AFF4: variants seen among roughly 807,000 people sequenced by gnomAD.
The protein encoded by AFF4 is ALF transcription elongation factor 4, also known as AF4/FMR2 family member 4.
In AFF4, 13 loss-of-function variants were observed where a neutral mutation model predicts 124.8. The observed-to-expected ratio is 0.10, with a 90% CI of 0.07 to 0.17. AFF4 has a LOEUF of 0.17. Ranked by LOEUF, AFF4 falls within the 10% of genes least tolerant of loss-of-function variation. AFF4 has a pLI of 1.00. For synonymous variants in AFF4, 477 were observed against 496.1 expected, an observed-to-expected ratio of 0.96 and a Z score of 0.51; for missense variants, 1,092 against 1,403.8, an observed-to-expected ratio of 0.78 and a Z score of 3.55.
chr5:132,917,705 C>CTTTTTTTTTTTTTT (rs58145774), intron 5 of AFF4, among the ~76,000 whole-genome samples: 3 of 74,032 alleles, frequency 4.1e-5, no homozygotes, highest in African/African-American at 1.6e-4. Flanking sequence ...CTTTTCTTTT[C>CTTTTTTTTTTTTTT]TTTTTTTTTT....
At chr5:132,932,528 T>A (rs147665266) in intron 3 of AFF4, among the ~76,000 whole-genome samples, 149 of 152,320 alleles carry the variant, frequency 9.8e-4, no homozygotes, top group African/African-American at 3.5e-3. Context: ...GTCTAAAAAT[T>A]TAATCTTACC....
chr5:132,953,821 C>T (rs943744982), intron 1 of AFF4, among the ~76,000 whole-genome samples: 4 of 152,148 alleles, frequency 2.6e-5, no homozygotes, highest in African/African-American at 4.8e-5. Context: ...CTTGAATAAA[C>T]GCTACAGCCT....
At chr5:132,940,044 C>T (rs1391401132) in intron 1 of AFF4, among the ~76,000 whole-genome samples, 1 of 151,496 alleles carries the variant, frequency 6.6e-6, no homozygotes, top group African/African-American at 2.4e-5. Flanking sequence ...CTACAAAATA[C>T]AAAAAAGTAG....
At chr5:132,888,694 A>G (rs1760178980) in intron 14 of AFF4, among the ~76,000 whole-genome samples, 1 of 152,104 alleles carries the variant, frequency 6.6e-6, no homozygotes, top group African/African-American at 2.4e-5. Flanking sequence ...CTTCTGATCA[A>G]TGATAGATTT....
At chr5:132,939,558 G>A (rs1490560617) in intron 1 of AFF4, among the ~76,000 whole-genome samples, 1 of 152,220 alleles carries the variant, frequency 6.6e-6, no homozygotes, top group African/African-American at 2.4e-5. Context: ...AGAGACTAAG[G>A]AATATGTTAA....
chr5:132,957,986 T>C (rs1761999469), intron 1 of AFF4, among the ~76,000 whole-genome samples: 1 of 152,270 alleles, frequency 6.6e-6, no homozygotes, highest in South Asian at 2.1e-4. Flanking sequence ...ACAGACCTTA[T>C]TTGGATCCTA....
rs1429542587 is a variant in AFF4, at chr5:132,879,372, T to A, written c.*1687A>T. 4.8e-6 allele frequency: 1 copy of A among 210,004 alleles called. No individual in the cohort carries two copies. Among genetic ancestry groups the A allele is most frequent in the South Asian group, 1.9e-4 (1 of 5,340 alleles). The allele number at this position is 210,004 out of a possible 1,614,324, so 13.0% of individuals were successfully genotyped here. Reference sequence around the variant, plus strand: ...TACAAATAGTAGGATAATCTTTTTTTCTGACTGAATGGATTCATTTTTGGA... The same window carrying A: ...TACAAATAGTAGGATAATCTTTTTTACTGACTGAATGGATTCATTTTTGGA... On this transcript the variant is annotated 3_prime_UTR_variant, in exon 21 of 21. Transcript: ENST00000265343.
intron 3 of AFF4, 58 bp downstream of exon 3, chr5:132,934,089 T>G: frequency 6.6e-7 from 1 of 1,519,488 alleles, no homozygotes; most frequent in East Asian, 2.3e-5. Context: ...CGTAATTTCA[T>G]GATCAGTCAA....
At chr5:132,908,776 ATT>A (rs386405007) in intron 5 of AFF4, among the ~76,000 whole-genome samples, 73 of 114,888 alleles carry the variant, frequency 6.4e-4, no homozygotes, top group Non-Finnish European at 9.5e-4. Context: ...ATATATATAT[ATT>A]TTTTTTTTTT....
At chr5:132,939,132 A>C (rs538221094) in intron 1 of AFF4, among the ~76,000 whole-genome samples, 1 of 150,528 alleles carries the variant, frequency 6.6e-6, no homozygotes, top group African/African-American at 2.4e-5. Context: ...CAAGAGAATC[A>C]CTTGAATCCA....
At chr5:132,899,694 C>T (rs1760500919) in intron 7 of AFF4, 53 bp from the exon 8 acceptor site, 2 of 1,477,640 alleles carry the variant, frequency 1.4e-6, no homozygotes, top group Admixed American at 1.8e-5. Flanking sequence ...ACATGGTATG[C>T]CAGAGTACTA....
chr5:132,934,138 G>A lies in AFF4; in HGVS notation c.918+9C>T. 1 of 1,606,820 alleles carries A rather than the reference G, an allele frequency of 6.2e-7. No homozygotes were observed. The highest frequency in any genetic ancestry group is 8.5e-7 in the Non-Finnish European group (1 of 1,175,500). On this transcript the variant is annotated intron_variant, in intron 3 of 20. Coordinates refer to ENST00000265343, the MANE Select transcript of AFF4 (RefSeq NM_014423.4). ...TCACAATGTTAAAAGCTCTAAATGT[G>A]TGACTTACATCCAGTGGTTGGGAAG...
At chr5:132,888,070 G>GT (rs1465922685) in intron 15 of AFF4, 27 bp downstream of exon 15, 2 of 1,606,598 alleles carry the variant, frequency 1.2e-6, no homozygotes, top group African/African-American at 2.7e-5. Flanking sequence ...GATTAAATAC[G>GT]TAAGTGTAAG....
rs181539860 is a variant in AFF4 at position 132,957,788 on chromosome 5, A to T, written c.-5+5471T>A. ...AAAATTTACAGAAAATACAAGGGAC[A>T]AAAGAACATATTACATGAAACCACT... On this transcript the variant is annotated intron_variant, in intron 1 of 20. Transcript: ENST00000265343. Among the ~76,000 whole-genome samples, 114 of 152,290 alleles carry T rather than the reference A, an allele frequency of 7.5e-4. 2 individuals are homozygous for T. In the Middle Eastern group the frequency reaches 0.017, roughly 23 times the overall value.
chr5:132,949,684 CCACACACACACACA>C (rs565722171), intron 1 of AFF4, among the ~76,000 whole-genome samples: 1 of 147,828 alleles, frequency 6.8e-6, no homozygotes, highest in African/African-American at 2.5e-5. Flanking sequence ...CCCATGTGTA[CCACACACACACACA>C]CACGCGCGCG....
intron 5 of AFF4, among the ~76,000 whole-genome samples, chr5:132,916,841 A>G (rs1402045885): frequency 6.6e-6 from 1 of 152,216 alleles, no homozygotes; most frequent in Non-Finnish European, 1.5e-5. Flanking sequence ...GCACTATAAA[A>G]AAATACATCA....
At chr5:132,943,049 T>C (rs1192874774) in intron 1 of AFF4, 1 of 207,854 alleles carries the variant, frequency 4.8e-6, no homozygotes, top group Non-Finnish European at 1.0e-5. Context: ...GGCCAGAAAG[T>C]ATTATGTAAC....
intron 5 of AFF4, among the ~76,000 whole-genome samples, chr5:132,915,012 C>T (rs1437697973): frequency 6.6e-6 from 1 of 152,022 alleles, no homozygotes; most frequent in East Asian, 1.9e-4. Flanking sequence ...AAGCTCATAA[C>T]CAGAGATAAA....
At position 132,879,843 on chromosome 5, in the gene AFF4, T is replaced by G. The variant is rs1305720089; in HGVS notation, c.*1216A>C. 2 of 236,982 alleles carry G rather than the reference T, an allele frequency of 8.4e-6. No homozygotes were observed. Among genetic ancestry groups the G allele is most frequent in the Non-Finnish European group, 1.6e-5 (2 of 121,304 alleles). The allele number at this position is 236,982 out of a possible 1,614,324, so 14.7% of individuals were successfully genotyped here. A position where few individuals can be genotyped will look rare whatever the true frequency, so the allele number is the denominator to read the frequency against. ...TTAGGTACACTTTTCTAGTGTGAAA[T>G]TTTCTGATTCCATCAGAAACATACA... On this transcript the variant is annotated 3_prime_UTR_variant, in exon 21 of 21. Transcript: ENST00000265343.
Sources: gnomAD v4.1 joint callset for allele counts (sites outside exome capture counted in the v4.1 genomes callset) on GRCh38, gnomAD v4.1.1 for gene constraint, MANE v1.5 for transcripts, NCBI Gene and HGNC (gene_info 2026-07-23, HGNC 2026-07-21) for gene names.